The following EPC1 variants were observed in gnomAD, a reference collection of about 807,000 sequenced individuals.
EPC1 encodes enhancer of polycomb 1.
In EPC1, 12 loss-of-function variants were observed where a neutral mutation model predicts 98.4. That is an observed-to-expected ratio of 0.12 (90% CI 0.08 to 0.20). The LOEUF is 0.20. Among genes scored for constraint, EPC1 ranks in the 10% least tolerant of loss-of-function variants. The pLI, the probability that EPC1 is intolerant of heterozygous loss-of-function variation, is 1.00. For missense variants in EPC1, 729 were observed against 990.5 expected (o/e 0.74, Z 3.54); for synonymous variants, 357 against 363.9 (o/e 0.98, Z 0.21).
intron 2 of EPC1, among the ~76,000 whole-genome samples, chr10:32,299,347 G>A (rs552510425): frequency 1.1e-4 from 16 of 151,958 alleles, no homozygotes; most frequent in African/African-American, 3.6e-4. Context: ...CACCATGCCA[G>A]GCTAATTTTT....
intron 1 of EPC1, among the ~76,000 whole-genome samples, chr10:32,373,380 A>G (rs1839805180): frequency 6.6e-6 from 1 of 152,252 alleles, no homozygotes; most frequent in Admixed American, 6.5e-5. Flanking sequence ...GGCCACTGAG[A>G]AAACAGATAC....
chr10:32,359,112 T>A (rs1839367524), intron 1 of EPC1, among the ~76,000 whole-genome samples: 1 of 152,198 alleles, frequency 6.6e-6, no homozygotes, highest in Admixed American at 6.5e-5. Context: ...AAGCGCACAC[T>A]TTAGGAAATT....
At chr10:32,365,016 C>T (rs1839558746) in intron 1 of EPC1, among the ~76,000 whole-genome samples, 1 of 151,866 alleles carries the variant, frequency 6.6e-6, no homozygotes, top group Non-Finnish European at 1.5e-5. Flanking sequence ...ATTGGATACC[C>T]CTGGTTTACA....
At chr10:32,304,809 C>T (rs937074216) in intron 2 of EPC1, among the ~76,000 whole-genome samples, 8 of 151,430 alleles carry the variant, frequency 5.3e-5, no homozygotes, top group Admixed American at 4.6e-4. Flanking sequence ...ATCCCAACTA[C>T]TCGGGAGGCT....
chr10:32,334,275 G>C (rs1000486263), intron 1 of EPC1, among the ~76,000 whole-genome samples: 2 of 152,164 alleles, frequency 1.3e-5, no homozygotes, highest in Admixed American at 6.5e-5. Flanking sequence ...TATTTGGCAA[G>C]TGTCTGGAGA....
chr10:32,339,067 G>A (rs1413741338), intron 1 of EPC1, among the ~76,000 whole-genome samples: 1 of 151,966 alleles, frequency 6.6e-6, no homozygotes, highest in East Asian at 1.9e-4. Flanking sequence ...AAATCCTTTA[G>A]AGACTGGCTT....
chr10:32,332,028 CATT>C (rs1482533987), intron 1 of EPC1, among the ~76,000 whole-genome samples: 2 of 152,196 alleles, frequency 1.3e-5, no homozygotes, highest in African/African-American at 4.8e-5. Context: ...ACAAAGTTAT[CATT>C]GACTACCTAG....
chr10:32,366,365 C>G (rs1839604886), intron 1 of EPC1, among the ~76,000 whole-genome samples: 1 of 152,054 alleles, frequency 6.6e-6, no homozygotes, highest in Admixed American at 6.6e-5. Flanking sequence ...CTTGTAAACT[C>G]TAGTTTGAAA....
intron 1 of EPC1, chr10:32,345,275 C>A: frequency 1.0e-6 from 1 of 985,388 alleles, no homozygotes; most frequent in Non-Finnish European, 1.2e-6. Context: ...TGAGCTACTA[C>A]ATACACTTGG....
intron 10 of EPC1, among the ~76,000 whole-genome samples, chr10:32,281,115 A>G (rs376500167): frequency 1.3e-5 from 2 of 152,260 alleles, no homozygotes; most frequent in East Asian, 1.9e-4. Flanking sequence ...GCTCACTGCA[A>G]CGTCTGCCTC....
chr10:32,324,714 C>T (rs2132931278), intron 1 of EPC1, among the ~76,000 whole-genome samples: 1 of 151,838 alleles, frequency 6.6e-6, no homozygotes, highest in East Asian at 1.9e-4. Flanking sequence ...CACATTTTAG[C>T]CGGGCGCGGT....
chr10:32,376,195 G>T (rs1839868074), intron 1 of EPC1, among the ~76,000 whole-genome samples: 1 of 152,004 alleles, frequency 6.6e-6, no homozygotes, highest in Admixed American at 6.6e-5. Context: ...AATCAATGAT[G>T]TAATAGTCAA....
intron 10 of EPC1, among the ~76,000 whole-genome samples, chr10:32,276,104 A>T (rs1388431836): frequency 6.6e-6 from 1 of 152,208 alleles, no homozygotes; most frequent in Non-Finnish European, 1.5e-5. Flanking sequence ...GGTGGTAATA[A>T]TAACTATGGT....
chr10:32,280,362 G>A (rs1409588315), intron 10 of EPC1, among the ~76,000 whole-genome samples: 2 of 152,028 alleles, frequency 1.3e-5, no homozygotes, highest in East Asian at 3.9e-4. Flanking sequence ...TGAGGCATGA[G>A]AATCACTTGA....
intron 1 of EPC1, among the ~76,000 whole-genome samples, chr10:32,315,887 C>CA (rs1836521032): frequency 6.6e-6 from 1 of 152,144 alleles, no homozygotes; most frequent in African/African-American, 2.4e-5. Context: ...TTCTTCCATT[C>CA]AAAATCTTAC....
intron 1 of EPC1, among the ~76,000 whole-genome samples, chr10:32,321,005 C>T (rs1225794218): frequency 1.3e-5 from 2 of 152,140 alleles, no homozygotes; most frequent in Non-Finnish European, 2.9e-5. Flanking sequence ...CTTGTAACTC[C>T]ATTCACTGTC....
chr10:32,326,309 A>G (rs1208155926), intron 1 of EPC1, among the ~76,000 whole-genome samples: 1 of 152,176 alleles, frequency 6.6e-6, no homozygotes, highest in Non-Finnish European at 1.5e-5. Flanking sequence ...AGTGACCTAT[A>G]TGACTTCTGA....
intron 1 of EPC1, among the ~76,000 whole-genome samples, chr10:32,367,841 T>C (rs1839643246): frequency 6.6e-6 from 1 of 152,234 alleles, no homozygotes; most frequent in Non-Finnish European, 1.5e-5. Context: ...AATTGTTATT[T>C]TTCTTTCGTC....
At chr10:32,378,456 A>C in intron 1 of EPC1, 1 of 1,531,580 alleles carries the variant, frequency 6.5e-7, no homozygotes, top group Middle Eastern at 1.7e-4. Flanking sequence ...GGCTCTTTCA[A>C]AGACTGACAT....
Sources: gnomAD v4.1 joint callset for allele counts (sites outside exome capture counted in the v4.1 genomes callset) on GRCh38, gnomAD v4.1.1 for gene constraint, MANE v1.5 for transcripts, NCBI Gene and HGNC (gene_info 2026-07-23, HGNC 2026-07-21) for gene names.